Variants in TENM1 observed in about 807,000 individuals in gnomAD.
TENM1 encodes the protein teneurin transmembrane protein 1, also known as teneurin-1.
TENM1 carries 35 observed loss-of-function variants against 174.8 expected under a neutral mutation model. The observed-to-expected ratio is 0.20, with a 90% CI of 0.15 to 0.27. The LOEUF (loss-of-function observed/expected upper bound fraction) is 0.27. Among genes scored for constraint, TENM1 ranks in the 10% least tolerant of loss-of-function variants. The probability of loss-of-function intolerance (pLI) is 1.00; values close to 1 mark genes in which losing one functional copy is unlikely to be tolerated. For missense variants in TENM1, 1,633 were observed against 2,130.1 expected, an observed-to-expected ratio of 0.77 and a Z score of 4.59; for synonymous variants, 781 against 798.7, an observed-to-expected ratio of 0.98 and a Z score of 0.37.
chrX:124,698,947 G>A (rs2052712578), intron 5 of TENM1, among the ~76,000 whole-genome samples: 1 of 111,139 alleles, frequency 9.0e-6, no homozygotes, highest in Admixed American at 9.6e-5. Context: ...CCCCACTCTG[G>A]CTGTTCTAGA....
chrX:124,868,532 G>C (rs1447728397), intron 3 of TENM1, among the ~76,000 whole-genome samples: 1 of 111,245 alleles, frequency 9.0e-6, no homozygotes, highest in Non-Finnish European at 1.9e-5. Context: ...ACTACTACAA[G>C]AAAACATTGG....
rs755205162 is a variant in TENM1 at position 124,510,775 on chromosome X, T to TACACACAC, written c.3302-7080_3302-7073dup. 2.6e-3 allele frequency among the ~76,000 whole-genome samples: 274 copies of TACACACAC among 103,576 alleles called. 1 individual carries two copies. The highest frequency in any genetic ancestry group is 9.0e-3 in the African/African-American group (254 of 28,150). 89.9% of individuals were successfully genotyped at this position (103,576 alleles called of 115,157 possible). On this transcript the variant is annotated intron_variant, in intron 18 of 31. Transcript: ENST00000422452. ...GTGACCCAGCATCCACATGGGGAGA[T>TACACACAC]ACACACACACACACACACTTGAAGT... is the stretch of plus-strand genomic sequence containing the variant.
chrX:125,133,087 G>A, the TENM1 span, among the ~76,000 whole-genome samples: 175 of 110,676 alleles, frequency 1.6e-3, 2 homozygotes, highest in African/African-American at 5.3e-3. Flanking sequence ...TCCGCCTCCC[G>A]GGTTCACACC....
chrX:124,440,769 A>C (rs1390063477), intron 23 of TENM1, among the ~76,000 whole-genome samples: 4 of 111,580 alleles, frequency 3.6e-5, no homozygotes, highest in Non-Finnish European at 5.7e-5. Context: ...GTGGAGAGCC[A>C]CTAGGGACTC....
chrX:124,454,068 A>C (rs2061075200), intron 22 of TENM1, among the ~76,000 whole-genome samples: 1 of 111,762 alleles, frequency 8.9e-6, no homozygotes, highest in African/African-American at 3.3e-5. Context: ...AGTTTCTAGA[A>C]AAGATAAAAG....
the TENM1 span, among the ~76,000 whole-genome samples, chrX:125,088,432 G>T: frequency 9.0e-6 from 1 of 111,096 alleles, no homozygotes; most frequent in Admixed American, 9.6e-5. Context: ...ATGTATGAGT[G>T]TGGTTCATTG....
rs144335593 is a variant in TENM1 at position 124,384,356 on chromosome X, T to A, written c.6575A>T (p.His2192Leu). ...AGGAGTAAGACGAGCACTCTTCCCA[T>A]GGCTTAAGAGGTTGATGTTTCCATT... Residue 2192 changes from histidine (H) to leucine (L), a missense_variant, in exon 30 of 32, where the codon CAT becomes CTT. Around this residue, in one of 4 missense-constraint regions of TENM1, gnomAD observed 807 missense variants for 1,125.3 expected, o/e 0.72. Coordinates refer to ENST00000422452, the Ensembl canonical transcript of TENM1. The A allele has an allele frequency of 8.3e-3, 10,076 of 1,209,438 alleles. 32 individuals are homozygous for A. The highest frequency in any genetic ancestry group is 0.01 in the Non-Finnish European group (8,964 of 894,983).
the TENM1 span, among the ~76,000 whole-genome samples, chrX:125,136,494 G>C: frequency 8.9e-6 from 1 of 111,947 alleles, no homozygotes; most frequent in Non-Finnish European, 1.9e-5. Flanking sequence ...GAGAGGTTAA[G>C]TAACGTGCTG....
intron 5 of TENM1, among the ~76,000 whole-genome samples, chrX:124,687,379 T>C (rs1267448632): frequency 1.8e-5 from 2 of 111,521 alleles, no homozygotes; most frequent in Non-Finnish European, 3.8e-5. Context: ...TGGCTAGCCA[T>C]ATGTGGAAAA....
rs961675053 is a variant in TENM1 at position 124,563,743 on chromosome X, T to C, written c.2287+6A>G. Reference sequence around the variant, plus strand: ...TCTGTTATAAAATTAGTGAGAAAAATCTTACCTCGGACAGCATCTAAGTAG... The same window carrying C: ...TCTGTTATAAAATTAGTGAGAAAAACCTTACCTCGGACAGCATCTAAGTAG... On this transcript the variant is annotated splice_donor_region_variant and intron_variant, in intron 13 of 31. Coordinates refer to ENST00000422452, the Ensembl canonical transcript of TENM1. The C allele has an allele frequency of 5.1e-6, 6 of 1,185,357 alleles. No homozygotes were observed. The highest frequency in any genetic ancestry group is 6.8e-6 in the Non-Finnish European group (6 of 880,003).
At chrX:124,899,481 C>A (rs1031076286) in intron 1 of TENM1, among the ~76,000 whole-genome samples, 2 of 111,728 alleles carry the variant, frequency 1.8e-5, no homozygotes, top group African/African-American at 6.5e-5. Flanking sequence ...GTGTGAGCCA[C>A]CACACCTAGT....
At chrX:124,977,939 A>AGTGTGTGTGTGTGT in the TENM1 span, among the ~76,000 whole-genome samples, 11 of 55,776 alleles carry the variant, frequency 2.0e-4, no homozygotes, top group East Asian at 2.2e-3. Flanking sequence ...GGCTCTGTTT[A>AGTGTGTGTGTGTGT]GTGTGTGTGT....
chrX:124,653,276 G>T (rs1380028459), intron 7 of TENM1, among the ~76,000 whole-genome samples: 5 of 111,605 alleles, frequency 4.5e-5, no homozygotes, highest in African/African-American at 1.6e-4. Context: ...GGGACTGTGG[G>T]CAGTAAAGCT....
chrX:124,845,274 C>T (rs993058069), intron 3 of TENM1, among the ~76,000 whole-genome samples: 2 of 111,335 alleles, frequency 1.8e-5, no homozygotes, highest in Non-Finnish European at 3.8e-5. Flanking sequence ...TTCTAGACTG[C>T]TGCTTCTCAA....
chrX:124,680,384 T>C (rs1372226192), intron 5 of TENM1, among the ~76,000 whole-genome samples: 1 of 111,730 alleles, frequency 9.0e-6, no homozygotes, highest in African/African-American at 3.2e-5. Context: ...CTTAAAACTT[T>C]CATTTACTAC....
chrX:124,430,985 C>G (rs1167486207), intron 23 of TENM1, among the ~76,000 whole-genome samples: 1 of 111,769 alleles, frequency 8.9e-6, no homozygotes, highest in Non-Finnish European at 1.9e-5. Context: ...ATGCTAGGCA[C>G]TAAGGAGCCA....
intron 3 of TENM1, among the ~76,000 whole-genome samples, chrX:124,801,794 C>T (rs1274555378): frequency 9.0e-6 from 1 of 111,571 alleles, no homozygotes; most frequent in East Asian, 2.8e-4. Flanking sequence ...GTGACAAAAT[C>T]CCTCAGTATT....
Position 124,664,895 on chromosome X carries a change from T to C in TENM1, c.1168+6788A>G, listed in dbSNP as rs753101865. Among the ~76,000 whole-genome samples the C allele has an allele frequency of 9.9e-5, 11 of 111,435 alleles. No homozygotes were observed. The South Asian group carries it at 3.8e-3, about 38-fold the overall frequency. On this transcript the variant is annotated intron_variant, in intron 6 of 31. Coordinates refer to ENST00000422452, the Ensembl canonical transcript of TENM1. ...AACTGGCTTTGAGAAAGGAATTTTT[T>C]TGAAAAATGAAAGAAAAAGCCCAAG...
chrX:124,494,101 T>C (rs969069683), intron 20 of TENM1, among the ~76,000 whole-genome samples: 4 of 110,845 alleles, frequency 3.6e-5, no homozygotes, highest in South Asian at 7.7e-4. Context: ...ATCTGAAAAA[T>C]TTTGAGAAAT....
Sources: allele counts gnomAD v4.1 joint callset (sites outside exome capture counted in the v4.1 genomes callset), GRCh38; gene constraint gnomAD v4.1.1; regional missense constraint gnomAD v4.1.1; transcripts MANE v1.5; gene names NCBI Gene and HGNC (gene_info 2026-07-23, HGNC 2026-07-21).